The following PTBP2 variants were observed in gnomAD, a reference collection of about 807,000 sequenced individuals.
The protein encoded by PTBP2 is polypyrimidine tract-binding protein 2.
Under a neutral mutation model 61.4 loss-of-function variants are expected in PTBP2, and 13 were observed. The observed-to-expected ratio is 0.21, with a 90% confidence interval of 0.14 to 0.34. The LOEUF (loss-of-function observed/expected upper bound fraction) is 0.34, where lower values mean the gene tolerates loss of function less well. Ranked by LOEUF, PTBP2 falls within the 10% of genes least tolerant of loss-of-function variation. The pLI, the probability that PTBP2 is intolerant of heterozygous loss-of-function variation, is 1.00. For missense variants in PTBP2, 405 were observed against 642.6 expected (o/e 0.63, Z 4.00); for synonymous variants, 215 against 218.5 (o/e 0.98, Z 0.14).
chr1:96,770,894 T>C (rs181954649), intron 5 of PTBP2, 43 bp downstream of exon 5: 187 of 1,469,356 alleles, frequency 1.3e-4, no homozygotes, highest in Non-Finnish European at 1.7e-4. Context: ...CTAGAACATA[T>C]TATGAATCTC....
chr1:96,734,466 T>A lies in PTBP2; in HGVS notation c.39+10872T>A, dbSNP rs139616916. 5.0e-3 allele frequency among the ~76,000 whole-genome samples: 738 copies of A among 148,630 alleles called. 1 individual carries two copies. The highest frequency in any genetic ancestry group is 8.4e-3 in the Non-Finnish European group (563 of 67,018). Reference sequence around the variant, plus strand: ...AAAAGTCATAGTATTTTTATAGGGTTTTTTTTTTTAGTGGGGGAAGGAGTC... The same window carrying A: ...AAAAGTCATAGTATTTTTATAGGGTATTTTTTTTTAGTGGGGGAAGGAGTC... On this transcript the variant is annotated intron_variant, in intron 2 of 13. Coordinates refer to ENST00000674951, the MANE Select transcript of PTBP2 (RefSeq NM_021190.4).
At chr1:96,786,064 T>C (rs550017735) in intron 8 of PTBP2, among the ~76,000 whole-genome samples, 5 of 152,342 alleles carry the variant, frequency 3.3e-5, no homozygotes, top group African/African-American at 1.2e-4. Flanking sequence ...TCATGATTTT[T>C]ATATATATGG....
At chr1:96,768,191 C>T (rs1002039302) in intron 3 of PTBP2, among the ~76,000 whole-genome samples, 3 of 152,012 alleles carry the variant, frequency 2.0e-5, no homozygotes, top group Admixed American at 6.5e-5. Flanking sequence ...GGTTCAGGTA[C>T]TAGTTAGTCC....
chr1:96,799,083 G>A (rs907115029), intron 8 of PTBP2, among the ~76,000 whole-genome samples: 4 of 152,120 alleles, frequency 2.6e-5, no homozygotes, highest in African/African-American at 7.2e-5. Flanking sequence ...ATCAGCTTCA[G>A]TGGAGGAAAG....
At position 96,776,168 on chromosome 1, in the gene PTBP2, T is replaced by C. The variant is rs114158410; in HGVS notation, c.433-1417T>C. Among the ~76,000 whole-genome samples the C allele has an allele frequency of 8.7e-3, 1,320 of 152,116 alleles. 10 individuals are homozygous for C. Among genetic ancestry groups the C allele is most frequent in the Admixed American group, 0.015 (232 of 15,284 alleles). On this transcript the variant is annotated intron_variant, in intron 5 of 13. Transcript: ENST00000674951. ...AAGCAGATGTTAGTGTTTTTCTAAGTTGTGGTAGTCTATGCTTGTTATTAT... is the reference window on the plus strand; with the variant it reads ...AAGCAGATGTTAGTGTTTTTCTAAGCTGTGGTAGTCTATGCTTGTTATTAT...
chr1:96,753,636 T>C (rs1654832522), intron 3 of PTBP2, among the ~76,000 whole-genome samples: 1 of 152,062 alleles, frequency 6.6e-6, no homozygotes, highest in African/African-American at 2.4e-5. Flanking sequence ...CAAAATGACC[T>C]AGAGTTAGAA....
At chr1:96,763,610 GA>G (rs924035240) in intron 3 of PTBP2, among the ~76,000 whole-genome samples, 2 of 127,526 alleles carry the variant, frequency 1.6e-5, no homozygotes, top group African/African-American at 5.8e-5. Flanking sequence ...GAGGGAGGGG[GA>G]GGGGGAGGGG....
chr1:96,808,172 A>G (rs1661682332), intron 11 of PTBP2, among the ~76,000 whole-genome samples: 1 of 150,948 alleles, frequency 6.6e-6, no homozygotes, highest in African/African-American at 2.5e-5. Flanking sequence ...TGTTTTATGT[A>G]AAGACTGTTT....
chr1:96,739,762 C>G (rs567405299), intron 2 of PTBP2, among the ~76,000 whole-genome samples: 1 of 150,946 alleles, frequency 6.6e-6, no homozygotes, highest in African/African-American at 2.4e-5. Context: ...TACAGGCGCC[C>G]GCCACCACGC....
At chr1:96,744,018 C>T (rs1653407322) in intron 2 of PTBP2, among the ~76,000 whole-genome samples, 1 of 152,030 alleles carries the variant, frequency 6.6e-6, no homozygotes, top group Non-Finnish European at 1.5e-5. Flanking sequence ...TGGTGAAACC[C>T]CGTCTCTACT....
At chr1:96,728,425 A>G (rs1650898824) in intron 2 of PTBP2, among the ~76,000 whole-genome samples, 1 of 152,222 alleles carries the variant, frequency 6.6e-6, no homozygotes, top group African/African-American at 2.4e-5. Context: ...TGTTTACAGC[A>G]TCATTTGTTG....
Position 96,725,943 on chromosome 1 carries a change from C to T in PTBP2, c.39+2349C>T, listed in dbSNP as rs963796884. Among the ~76,000 whole-genome samples, 15 of 151,180 alleles carry T rather than the reference C, an allele frequency of 9.9e-5. No individual in the cohort carries two copies. The East Asian group carries it at 2.4e-3, about 24-fold the overall frequency. On this transcript the variant is annotated intron_variant, in intron 2 of 13. Transcript: ENST00000674951. Reference sequence around the variant, plus strand: ...ACAAAAAATTAGCCGGGTGTGGTGACGGGTGCCTGTAGTCCCAGCTACTCG... The same window carrying T: ...ACAAAAAATTAGCCGGGTGTGGTGATGGGTGCCTGTAGTCCCAGCTACTCG...
intron 2 of PTBP2, among the ~76,000 whole-genome samples, chr1:96,725,416 C>T (rs1202407326): frequency 6.6e-6 from 1 of 151,440 alleles, no homozygotes; most frequent in African/African-American, 2.4e-5. Flanking sequence ...TCTTCTGCCT[C>T]AGCCTCCCGA....
At chr1:96,751,234 C>G (rs750750332) in intron 2 of PTBP2, 191 bp from the exon 3 acceptor site, 22 of 668,360 alleles carry the variant, frequency 3.3e-5, no homozygotes, top group Non-Finnish European at 5.5e-5. Flanking sequence ...GGGAAGGGAA[C>G]ACTGTTGCCT....
At chr1:96,818,414 G>A (rs1662560711), downstream of PTBP2, 1 of 151,980 alleles carries the variant, frequency 6.6e-6, no homozygotes, top group Non-Finnish European at 1.5e-5. Context: ...ATTTTATCAA[G>A]AAATTTTGTA....
intron 8 of PTBP2, among the ~76,000 whole-genome samples, chr1:96,799,294 C>CTTTTTTT (rs373815292): frequency 0.011 from 987 of 92,128 alleles, 100 homozygotes; most frequent in Non-Finnish European, 0.012. Context: ...ATAGATCAAG[C>CTTTTTTT]TTTTTTTTTT....
chr1:96,757,267 A>G (rs1447053179), intron 3 of PTBP2, among the ~76,000 whole-genome samples: 1 of 152,214 alleles, frequency 6.6e-6, no homozygotes, highest in Non-Finnish European at 1.5e-5. Context: ...AAAGATGGAA[A>G]ATGATATTCC....
intron 2 of PTBP2, among the ~76,000 whole-genome samples, chr1:96,734,297 G>A (rs905279227): frequency 6.6e-6 from 1 of 152,070 alleles, no homozygotes; most frequent in East Asian, 1.9e-4. Context: ...TGTTTTATCT[G>A]TAAAGGCTTC....
intron 7 of PTBP2, among the ~76,000 whole-genome samples, chr1:96,780,181 C>T (rs762492370): frequency 6.6e-6 from 1 of 152,032 alleles, no homozygotes; most frequent in Non-Finnish European, 1.5e-5. Context: ...CAAAGCCTAT[C>T]GTCTTCTGCC....
Sources: allele counts gnomAD v4.1 joint callset (sites outside exome capture counted in the v4.1 genomes callset), GRCh38; gene constraint gnomAD v4.1.1; transcripts MANE v1.5; gene names NCBI Gene and HGNC (gene_info 2026-07-23, HGNC 2026-07-21).